ATAD2: variants seen among roughly 807,000 people sequenced by gnomAD.
The protein encoded by ATAD2 is ATPase family AAA domain-containing protein 2.
A neutral mutation model predicts 168.9 loss-of-function variants in ATAD2; 62 were observed. The ratio of observed to expected loss-of-function variants is 0.37; its 90% confidence interval spans 0.30 to 0.45. The LOEUF is 0.45. Among genes scored for constraint, ATAD2 ranks in the 20% least tolerant of loss-of-function variants. The pLI, the probability that ATAD2 is intolerant of heterozygous loss-of-function variation, is 1.00. For synonymous variants in ATAD2, 613 were observed against 571.6 expected (o/e 1.07, Z -1.03); for missense variants, 1,419 against 1,667.8 (o/e 0.85, Z 2.60).
intron 12 of ATAD2, 139 bp from the exon 13 acceptor site, chr8:123,356,616 T>G: frequency 2.4e-6 from 1 of 417,756 alleles, no homozygotes; most frequent in Non-Finnish European, 3.8e-6. Flanking sequence ...TTTGAATCGG[T>G]TTTTCTTCAA....
At chr8:123,388,591 C>G (rs1036361470) in intron 1 of ATAD2, among the ~76,000 whole-genome samples, 1 of 152,100 alleles carries the variant, frequency 6.6e-6, no homozygotes, top group Non-Finnish European at 1.5e-5. Context: ...ACCACATTGC[C>G]CAGGCTGGTC....
chr8:123,347,959 T>C, intron 15 of ATAD2: 1 of 566,204 alleles, frequency 1.8e-6, no homozygotes, highest in Non-Finnish European at 3.1e-6. Flanking sequence ...GTCAAATATC[T>C]CTATTTAATA....
rs190823307 is a variant in ATAD2 at position 123,402,901 on chromosome 8, C to T, written c.-2281-1726G>A. On this transcript the variant is annotated intron_variant, in intron 1 of 28. Transcript: ENST00000521903. The surrounding 1 kb of genome is among the most constrained non-coding windows in gnomAD (Gnocchi z 4.8). The stretch of plus-strand genomic sequence containing the variant: ...CTCCTCTAAAGATCCTGATTTCATG[C>T]GTCTGAGATAAGGCCTGGAAACTTG... Among the ~76,000 whole-genome samples the T allele has an allele frequency of 1.1e-3, 175 of 152,202 alleles. No individual in the cohort carries two copies. Among genetic ancestry groups the T allele is most frequent in the Middle Eastern group, 0.01 (3 of 294 alleles).
intron 1 of ATAD2, among the ~76,000 whole-genome samples, chr8:123,392,353 G>T (rs1363632114): frequency 6.6e-6 from 1 of 152,100 alleles, no homozygotes; most frequent in African/African-American, 2.4e-5. Context: ...TTTAAATATG[G>T]TGCTTATGGT....
chr8:123,338,529 A>G (rs769148263), intron 20 of ATAD2, among the ~76,000 whole-genome samples: 7 of 152,186 alleles, frequency 4.6e-5, no homozygotes, highest in Non-Finnish European at 8.8e-5. Context: ...TAGATATCCA[A>G]TGAGTACTCA....
chr8:123,390,139 C>T (rs1168715263), intron 1 of ATAD2, among the ~76,000 whole-genome samples: 2 of 151,228 alleles, frequency 1.3e-5, no homozygotes, highest in African/African-American at 2.4e-5. Context: ...CTGCCACATC[C>T]GGCTAATTTT....
chr8:123,396,407 C>CCAGGCGCTCGCA lies in ATAD2; in HGVS notation c.-62_-51dup. 6.8e-7 allele frequency: 1 copy of CCAGGCGCTCGCA among 1,480,902 alleles called. No homozygotes were observed. Among genetic ancestry groups the CCAGGCGCTCGCA allele is most frequent in the Non-Finnish European group, 8.9e-7 (1 of 1,118,876 alleles). The allele number at this position is 1,480,902 out of a possible 1,614,324, so 91.7% of individuals were successfully genotyped here. ...TGCGCGACCGGAGAGAGATCCAGCT[C>CCAGGCGCTCGCA]CAGGCGCTCGCAGCTCTGGCTCTTC... On this transcript the variant is annotated 5_prime_UTR_variant, in exon 1 of 28. Coordinates refer to ENST00000287394, the MANE Select transcript of ATAD2 (RefSeq NM_014109.4).
At chr8:123,411,968 C>G (rs867216151) in intron 1 of ATAD2, among the ~76,000 whole-genome samples, 3 of 152,172 alleles carry the variant, frequency 2.0e-5, no homozygotes, top group Non-Finnish European at 4.4e-5. Context: ...TCCTTTACAC[C>G]TGGATGTGAT....
chr8:123,353,852 G>T (rs1828550581), intron 13 of ATAD2, among the ~76,000 whole-genome samples: 1 of 152,150 alleles, frequency 6.6e-6, no homozygotes, highest in Admixed American at 6.5e-5. Flanking sequence ...CAGGGTTTCA[G>T]GTCAAGTGGG....
intron 13 of ATAD2, among the ~76,000 whole-genome samples, chr8:123,355,905 C>A (rs1054638053): frequency 1.3e-5 from 2 of 152,100 alleles, no homozygotes; most frequent in Non-Finnish European, 2.9e-5. Context: ...TTACAACACA[C>A]TGACACTCGG....
At chr8:123,353,043 G>A (rs568062439) in intron 13 of ATAD2, among the ~76,000 whole-genome samples, 1 of 151,576 alleles carries the variant, frequency 6.6e-6, no homozygotes, top group South Asian at 2.1e-4. Context: ...CTCCAGCCTG[G>A]GTAACAGAGT....
At chr8:123,346,802 C>T in intron 16 of ATAD2, 52 bp from the exon 17 acceptor site, 1 of 1,485,076 alleles carries the variant, frequency 6.7e-7, no homozygotes, top group Non-Finnish European at 9.1e-7. Flanking sequence ...CAAAGCAAAT[C>T]TTTATTGCTT....
chr8:123,330,983 C>T (rs1383673993), intron 24 of ATAD2, among the ~76,000 whole-genome samples: 1 of 152,108 alleles, frequency 6.6e-6, no homozygotes, highest in African/African-American at 2.4e-5. Flanking sequence ...AAGGCAGTGG[C>T]ACGATCTTGG....
intron 1 of ATAD2, chr8:123,380,935 T>A (rs1052119748): frequency 2.6e-5 from 10 of 389,458 alleles, no homozygotes; most frequent in Non-Finnish European, 4.2e-5. Context: ...AACCACTTTA[T>A]AAAAAGTAGT....
chr8:123,371,591 C>A, intron 4 of ATAD2, 79 bp downstream of exon 4: 1 of 1,306,958 alleles, frequency 7.7e-7, no homozygotes. Flanking sequence ...AATGTTTGGG[C>A]TGGTTGAAAT....
intron 2 of ATAD2, among the ~76,000 whole-genome samples, chr8:123,372,961 C>T (rs1359363245): frequency 6.6e-6 from 1 of 150,566 alleles, no homozygotes; most frequent in South Asian, 2.1e-4. Context: ...GGCGCGATCT[C>T]GGCTCACTGC....
At chr8:123,389,053 G>C (rs1456813683) in intron 1 of ATAD2, among the ~76,000 whole-genome samples, 5 of 149,568 alleles carry the variant, frequency 3.3e-5, no homozygotes, top group Non-Finnish European at 7.4e-5. Flanking sequence ...TGCAAGCTCC[G>C]CCTCCTGGGT....
chr8:123,348,409 G>T lies in ATAD2; in HGVS notation c.1807-136C>A, dbSNP rs1159997859. The T allele has an allele frequency of 2.5e-5, 15 of 601,350 alleles. 1 individual carries two copies. Among genetic ancestry groups the T allele is most frequent in the Middle Eastern group, 9.6e-4 (2 of 2,092 alleles). 37.3% of individuals were successfully genotyped at this position (601,350 alleles called of 1,614,324 possible). On this transcript the variant is annotated intron_variant, in intron 14 of 27. Coordinates refer to ENST00000287394, the MANE Select transcript of ATAD2 (RefSeq NM_014109.4). ...TACTTAATACTGGCCGGGTGCGGTG[G>T]CTCACACCTGTAATCCCAGCACTTT...
intron 19 of ATAD2, among the ~76,000 whole-genome samples, chr8:123,343,109 C>T (rs1015279464): frequency 2.6e-4 from 39 of 152,052 alleles, no homozygotes; most frequent in South Asian, 2.1e-4. Flanking sequence ...CTCAGCCTCC[C>T]GAGTAACTGG....
Sources: allele counts gnomAD v4.1 joint callset (sites outside exome capture counted in the v4.1 genomes callset), GRCh38; gene constraint gnomAD v4.1.1; non-coding constraint Gnocchi (gnomAD v3.1); transcripts MANE v1.5; gene names NCBI Gene and HGNC (gene_info 2026-07-23, HGNC 2026-07-21).